Variants in CHRD observed in about 807,000 individuals in gnomAD.
The protein encoded by CHRD is chordin.
A neutral mutation model predicts 113.7 loss-of-function variants in CHRD; 69 were observed. The observed-to-expected ratio is 0.61, with a 90% CI of 0.50 to 0.74. The LOEUF (loss-of-function observed/expected upper bound fraction) is 0.74, where lower values mean the gene tolerates loss of function less well. CHRD is among the 30% of genes least tolerant of loss of function. The pLI is 0.00. For synonymous variants in CHRD, 561 were observed against 540.8 expected (o/e 1.04, Z -0.52); for missense variants, 1,194 against 1,295.8 (o/e 0.92, Z 1.21).
At position 184,387,210 on chromosome 3, in the gene CHRD, G is replaced by A. The variant is rs1238611548; in HGVS notation, c.2347+103G>A. On this transcript the variant is annotated intron_variant, in intron 18 of 22. Coordinates refer to ENST00000204604, the Ensembl canonical transcript of CHRD. The surrounding 1 kb of genome is among the most constrained non-coding windows in gnomAD (Gnocchi z 6.1). ...GAGAGTATATAGGGGGTGGCCTGAG[G>A]GGCACAGATTCCAAGTGATGCCTGA... is the stretch of plus-strand genomic sequence containing the variant. The A allele has an allele frequency of 7.5e-7, 1 of 1,327,092 alleles. No individual in the cohort carries two copies. Among genetic ancestry groups the A allele is most frequent in the Non-Finnish European group, 1.1e-6 (1 of 932,042 alleles). 82.2% of individuals were successfully genotyped at this position (1,327,092 alleles called of 1,614,324 possible). A position where few individuals can be genotyped will look rare whatever the true frequency, so the allele number is the denominator to read the frequency against.
rs745959400 is a variant in CHRD, at chr3:184,382,637, C to A, written c.845C>A (p.Thr282Asn). The change falls in exon 8 of 23, where the codon ACC becomes AAC. Residue 282 changes from threonine to asparagine, a missense_variant. Physicochemically the swap from Thr to Asn is moderately conservative, Grantham distance 65. Transcript: ENST00000204604. ...CTCATCATCGTCCCTTCCCCAGAGA[C>A]CTTCAGTGCCATCCTGACTCTAGAA... 5 of 1,612,802 alleles carry A rather than the reference C, an allele frequency of 3.1e-6. No individual in the cohort carries two copies. In the South Asian group the frequency reaches 3.3e-5, roughly 11 times the overall value.
In CHRD at chr3:184,382,069, G is replaced by A. The variant is rs201988998; in HGVS notation, c.699+49G>A. The A allele has an allele frequency of 5.0e-6, 8 of 1,602,648 alleles. No individual in the cohort carries two copies. In the African/African-American group the frequency reaches 8.0e-5, roughly 16 times the overall value. The stretch of plus-strand genomic sequence containing the variant: ...ACTTGCCCAGTCTGGGCACTGTGCC[G>A]AGAGCATGCTCTGCATTGCCTCCCG... On this transcript the variant is annotated intron_variant, in intron 6 of 22. Coordinates refer to ENST00000204604, the Ensembl canonical transcript of CHRD.
In CHRD at chr3:184,388,269, ATCCATCCATCCATCCG is replaced by A. The variant is rs1317333081; in HGVS notation, c.2554+242_2554+257del. The stretch of plus-strand genomic sequence containing the variant: ...CATCCATCCATCCATCCATCCATCC[ATCCATCCATCCATCCG>A]TCCATTCATCTATCTATCCACCCAT... On this transcript the variant is annotated intron_variant, in intron 20 of 22. Transcript: ENST00000204604. The surrounding 1 kb of genome is among the most constrained non-coding windows in gnomAD (Gnocchi z 6.1). Among the ~76,000 whole-genome samples, 1 of 150,086 alleles carries A rather than the reference ATCCATCCATCCATCCG, an allele frequency of 6.7e-6. No homozygotes were observed. The highest frequency in any genetic ancestry group is 2.5e-5 in the African/African-American group (1 of 39,886).
rs1313840555 is a variant in CHRD, at chr3:184,384,532, C to A, written c.1441-5C>A. On this transcript the variant is annotated splice_polypyrimidine_tract_variant and splice_region_variant and intron_variant, in intron 12 of 22. Coordinates refer to ENST00000204604, the Ensembl canonical transcript of CHRD. This position sits in a 1 kb window ranked among gnomAD's most constrained non-coding sequence, Gnocchi z 4.4. ...CTGAGAAGGCCTATCCTCCCCTGCC[C>A]CCAGGCCGTGGGTATCTGCCCTGGG... The A allele has an allele frequency of 3.3e-6, 5 of 1,520,692 alleles. No individual in the cohort carries two copies. In the South Asian group the frequency reaches 5.2e-5, roughly 16 times the overall value. 94.2% of individuals were successfully genotyped at this position (1,520,692 alleles called of 1,614,324 possible).
At chr3:184,383,603 C>T (rs1339287635) in exon 12 of CHRD, 16 of 1,613,838 alleles carry the variant, frequency 9.9e-6, no homozygotes, top group Non-Finnish European at 1.4e-5. Context: ...AGCGCACTGT[C>T]CTGTGCCACA....
chr3:184,385,662 G>A (rs1376706735), intron 14 of CHRD, among the ~76,000 whole-genome samples: 2 of 43,608 alleles, frequency 4.6e-5, no homozygotes, highest in African/African-American at 2.0e-4. Context: ...GCAAAAATCC[G>A]TCTCAAAAAA....
Position 184,387,615 on chromosome 3 carries a change from T to A in CHRD, c.2451+138T>A. 1.2e-6 allele frequency: 1 copy of A among 833,114 alleles called. No homozygotes were observed. The highest frequency in any genetic ancestry group is 1.8e-6 in the Non-Finnish European group (1 of 548,458). The allele number at this position is 833,114 out of a possible 1,614,324, so 51.6% of individuals were successfully genotyped here. On this transcript the variant is annotated intron_variant, in intron 19 of 22. Transcript: ENST00000204604. This position sits in a 1 kb window ranked among gnomAD's most constrained non-coding sequence, Gnocchi z 6.1. ...ACGATATGAGAAAAGGCCCTTGCGC[T>A]CTGAGAGTCGGCTTCCTGTGGGAAA...
Position 184,380,833 on chromosome 3 carries a change from TG to T in CHRD, c.252+42del. 1 of 1,482,352 alleles carries T rather than the reference TG, an allele frequency of 6.7e-7. No homozygotes were observed. The allele number at this position is 1,482,352 out of a possible 1,614,324, so 91.8% of individuals were successfully genotyped here. A position where few individuals can be genotyped will look rare whatever the true frequency, so the allele number is the denominator to read the frequency against. On this transcript the variant is annotated intron_variant, in intron 2 of 22. Transcript: ENST00000204604. The surrounding 1 kb of genome is among the most constrained non-coding windows in gnomAD (Gnocchi z 6.3). ...CGCGGCCGGCCCGGGCCCTGGCGGG[TG>T]GGGAGCGCCGGGTCGCGCGGGCGTC...
rs1716785280 is a variant in CHRD at position 184,388,863 on chromosome 3, A to G, written c.2710-30A>G. ...CACTGTGTCCCAGTGCCTCTGGGGG[A>G]CACTCAGTGTCTGCTCTGTCTTGTA... On this transcript the variant is annotated intron_variant, in intron 21 of 22. Transcript: ENST00000204604. The surrounding 1 kb of genome is among the most constrained non-coding windows in gnomAD (Gnocchi z 6.1). The G allele has an allele frequency of 6.2e-7, 1 of 1,606,764 alleles. No homozygotes were observed. The highest frequency in any genetic ancestry group is 1.3e-5 in the African/African-American group (1 of 74,782).
In CHRD at chr3:184,380,951, C is replaced by A; in HGVS notation, c.252+156C>A. 1.3e-6 allele frequency: 1 copy of A among 747,706 alleles called. No individual in the cohort carries two copies. The highest frequency in any genetic ancestry group is 2.0e-5 in the Admixed American group (1 of 49,690). 46.3% of individuals were successfully genotyped at this position (747,706 alleles called of 1,614,324 possible). On this transcript the variant is annotated intron_variant, in intron 2 of 22. Transcript: ENST00000204604. The surrounding 1 kb of genome is among the most constrained non-coding windows in gnomAD (Gnocchi z 6.3). Reference sequence around the variant, plus strand: ...GGAAGGGGAATCAGCCCCTCCAATTCTTAGGTGCTGTTACTGATCGCCCAC... The same window carrying A: ...GGAAGGGGAATCAGCCCCTCCAATTATTAGGTGCTGTTACTGATCGCCCAC...
chr3:184,387,549 G>A lies in CHRD; in HGVS notation c.2451+72G>A, dbSNP rs940903255. The A allele has an allele frequency of 1.5e-6, 2 of 1,371,792 alleles. No homozygotes were observed. Among genetic ancestry groups the A allele is most frequent in the East Asian group, 2.4e-5 (1 of 41,462 alleles). The allele number at this position is 1,371,792 out of a possible 1,614,324, so 85.0% of individuals were successfully genotyped here. A position where few individuals can be genotyped will look rare whatever the true frequency, so the allele number is the denominator to read the frequency against. Reference sequence around the variant, plus strand: ...CAGAGATGGGGAGGGGCTGCCAGGTGAGGAAGGCCCGTCCTTGGTGAGGAG... The same window carrying A: ...CAGAGATGGGGAGGGGCTGCCAGGTAAGGAAGGCCCGTCCTTGGTGAGGAG... On this transcript the variant is annotated intron_variant, in intron 19 of 22. Coordinates refer to ENST00000204604, the Ensembl canonical transcript of CHRD. The surrounding 1 kb of genome is among the most constrained non-coding windows in gnomAD (Gnocchi z 6.1).
chr3:184,386,548 C>T (rs764771982), exon 16 of CHRD: 59 of 1,539,108 alleles, frequency 3.8e-5, no homozygotes, highest in East Asian at 4.8e-5. Flanking sequence ...CGGCCGGGGC[C>T]GAGGGGGTGC....
intron 15 of CHRD, 24 bp from the exon 16 acceptor site, chr3:184,386,468 G>A: frequency 6.5e-7 from 1 of 1,534,704 alleles, no homozygotes; most frequent in Non-Finnish European, 8.7e-7. Context: ...CCCCAGCGCT[G>A]CCTCAGTTGG....
rs1392320953 is a variant in CHRD, at chr3:184,384,037, AG to A, written c.1440+396del. ...TGGTCCGCCCACTTCGGCCTCCCAA[AG>A]TGCTGGGATTACAGGCGAGAGCCAC... is the stretch of plus-strand genomic sequence containing the variant. On this transcript the variant is annotated intron_variant, in intron 12 of 22. Transcript: ENST00000204604. This position sits in a 1 kb window ranked among gnomAD's most constrained non-coding sequence, Gnocchi z 4.4. Among the ~76,000 whole-genome samples, 2 of 152,168 alleles carry A rather than the reference AG, an allele frequency of 1.3e-5. No homozygotes were observed. Among genetic ancestry groups the A allele is most frequent in the Non-Finnish European group, 2.9e-5 (2 of 68,000 alleles).
At chr3:184,385,936 G>A in intron 14 of CHRD, 110 bp from the exon 15 acceptor site, 1 of 1,130,512 alleles carries the variant, frequency 8.8e-7, no homozygotes, top group Non-Finnish European at 1.3e-6. Context: ...TTGCTACCAT[G>A]AAGACTTTAT....
At chr3:184,386,451 G>A (rs1716294655) in intron 15 of CHRD, 41 bp from the exon 16 acceptor site, 1 of 1,530,470 alleles carries the variant, frequency 6.5e-7, no homozygotes, top group African/African-American at 1.4e-5. Flanking sequence ...AAAGACGCGA[G>A]GGGGAGCCCC....
At chr3:184,385,923 G>T in intron 14 of CHRD, 123 bp from the exon 15 acceptor site, 1 of 980,112 alleles carries the variant, frequency 1.0e-6, no homozygotes, top group Non-Finnish European at 1.6e-6. Flanking sequence ...TTGCCAATGG[G>T]CTTTGCTACC....
rs775347392 is a variant in CHRD at position 184,388,878 on chromosome 3, T to A, written c.2710-15T>A. On this transcript the variant is annotated splice_polypyrimidine_tract_variant and intron_variant, in intron 21 of 22. Coordinates refer to ENST00000204604, the Ensembl canonical transcript of CHRD. This position sits in a 1 kb window ranked among gnomAD's most constrained non-coding sequence, Gnocchi z 6.1. ...CCTCTGGGGGACACTCAGTGTCTGC[T>A]CTGTCTTGTACCAGGCAGGGGTGCC... The A allele has an allele frequency of 6.2e-7, 1 of 1,611,022 alleles. No individual in the cohort carries two copies. The highest frequency in any genetic ancestry group is 1.3e-5 in the African/African-American group (1 of 75,000).
intron 22 of CHRD, 139 bp downstream of exon 22, chr3:184,389,134 A>G (rs1218541683): frequency 1.0e-5 from 7 of 679,916 alleles, no homozygotes; most frequent in African/African-American, 1.8e-5. Flanking sequence ...ATCCACCCTC[A>G]CAGCAACCTG....
Sources: allele counts gnomAD v4.1 joint callset (sites outside exome capture counted in the v4.1 genomes callset), GRCh38; gene constraint gnomAD v4.1.1; non-coding constraint Gnocchi (gnomAD v3.1); transcripts MANE v1.5; gene names NCBI Gene and HGNC (gene_info 2026-07-23, HGNC 2026-07-21).